BUB3: variants seen among roughly 807,000 people sequenced by gnomAD.
BUB3 encodes mitotic checkpoint protein BUB3.
BUB3 carries 22 observed loss-of-function variants against 39.9 expected under a neutral mutation model. The observed-to-expected ratio is 0.55, with a 90% CI of 0.39 to 0.79. The LOEUF (loss-of-function observed/expected upper bound fraction) is 0.79. Ranked by LOEUF, BUB3 falls within the 30% of genes least tolerant of loss-of-function variation. The pLI, the probability that BUB3 is intolerant of heterozygous loss-of-function variation, is 0.00. For synonymous variants in BUB3, 168 were observed against 155.1 expected, an observed-to-expected ratio of 1.08 and a Z score of -0.62; for missense variants, 303 against 415.4, an observed-to-expected ratio of 0.73 and a Z score of 2.35.
At chr10:123,160,795 G>T (rs998390611) in intron 5 of BUB3, among the ~76,000 whole-genome samples, 1 of 152,052 alleles carries the variant, frequency 6.6e-6, no homozygotes, top group Non-Finnish European at 1.5e-5. Context: ...CAAGTAATCT[G>T]CTCAGGAAGT....
rs528338524 is a variant in BUB3 at position 123,166,833 on chromosome 10, A to G, written c.*2998A>G. ...TTCTGTTGTGTAAAAACTTAAAGGT[A>G]TATTAGCAGGTTAGCCTTTGTTCTG... On this transcript the variant is annotated 3_prime_UTR_variant, in exon 8 of 8. Transcript: ENST00000368865. The G allele has an allele frequency of 8.5e-5, 13 of 152,348 alleles. No individual in the cohort carries two copies. Among genetic ancestry groups the G allele is most frequent in the African/African-American group, 2.9e-4 (12 of 41,578 alleles). 9.4% of individuals were successfully genotyped at this position (152,348 alleles called of 1,614,324 possible).
In BUB3 at chr10:123,165,340, A is replaced by G. The variant is rs930585723; in HGVS notation, c.*1505A>G. 3 of 323,516 alleles carry G rather than the reference A, an allele frequency of 9.3e-6. No homozygotes were observed. The highest frequency in any genetic ancestry group is 2.1e-5 in the African/African-American group (1 of 47,066). The allele number at this position is 323,516 out of a possible 1,614,324, so 20.0% of individuals were successfully genotyped here. ...ACTCTAAACCTGTTATTTCTGTGCT[A>G]ATAAACGAGATGCAGAACCCTTGAA... On this transcript the variant is annotated 3_prime_UTR_variant, in exon 8 of 8. Transcript: ENST00000368865.
At chr10:123,155,611 C>CCCAGAA in intron 2 of BUB3, 47 bp from the exon 3 acceptor site, 1 of 1,533,756 alleles carries the variant, frequency 6.5e-7, no homozygotes, top group South Asian at 1.1e-5. Context: ...AATGTTGAAA[C>CCCAGAA]CCTTTCAAAA....
Position 123,163,241 on chromosome 10 carries a change from A to C in BUB3, c.971+413A>C, listed in dbSNP as rs568598833. 2.1e-3 allele frequency: 376 copies of C among 178,972 alleles called. 1 individual carries two copies. Among genetic ancestry groups the C allele is most frequent in the African/African-American group, 8.4e-3 (354 of 41,930 alleles). 11.1% of individuals were successfully genotyped at this position (178,972 alleles called of 1,614,324 possible). A position where few individuals can be genotyped will look rare whatever the true frequency, so the allele number is the denominator to read the frequency against. On this transcript the variant is annotated intron_variant, in intron 7 of 7. Transcript: ENST00000368865. ...GGTTGTTTCTTTAATATTAACACAA[A>C]GTAAGTGACCTTCAGGTCTTATTGG...
Position 123,164,861 on chromosome 10 carries a change from T to G in BUB3, c.*1026T>G. The G allele has an allele frequency of 7.4e-7, 1 of 1,358,494 alleles. No homozygotes were observed. The highest frequency in any genetic ancestry group is 9.5e-7 in the Non-Finnish European group (1 of 1,056,994). The allele number at this position is 1,358,494 out of a possible 1,614,324, so 84.2% of individuals were successfully genotyped here. On this transcript the variant is annotated 3_prime_UTR_variant, in exon 8 of 8. Transcript: ENST00000368865. ...GTATTTTTGTTGTCAAACTTTAAAATTTATATTAATTTGCAAATGTATGTC... is the reference window on the plus strand; with the variant it reads ...GTATTTTTGTTGTCAAACTTTAAAAGTTATATTAATTTGCAAATGTATGTC...
rs765512833 is a variant in BUB3 at position 123,155,056 on chromosome 10, A to G, written c.139A>G (p.Asn47Asp). 6.2e-7 allele frequency: 1 copy of G among 1,614,126 alleles called. No individual in the cohort carries two copies. ...TSVRLYDVPA[N>D]SMRLKYQHTG... Reference sequence around the variant, plus strand: ...CGTGCGTCTCTACGATGTGCCGGCCAACTCCATGCGGCTCAAGTACCAGCA... The same window carrying G: ...CGTGCGTCTCTACGATGTGCCGGCCGACTCCATGCGGCTCAAGTACCAGCA... Residue 47 changes from asparagine (N) to aspartate (D), a missense_variant, in exon 2 of 8, where the codon AAC becomes GAC. Asn to Asp is a conservative substitution (Grantham distance 23, BLOSUM62 1). Around this residue, in one of 2 missense-constraint regions of BUB3, gnomAD observed 121 missense variants for 122.3 expected, o/e 0.99. Transcript: ENST00000368865.
Position 123,155,661 on chromosome 10 carries a change from C to G in BUB3, c.199C>G (p.Pro67Ala), listed in dbSNP as rs1294472958. 1 of 1,613,752 alleles carries G rather than the reference C, an allele frequency of 6.2e-7. No homozygotes were observed. The highest frequency in any genetic ancestry group is 8.5e-7 in the Non-Finnish European group (1 of 1,179,798). The change falls in exon 3 of 8, where the codon CCA becomes GCA. Residue 67 changes from proline to alanine, a missense_variant. Around this residue, in one of 2 missense-constraint regions of BUB3, gnomAD observed 121 missense variants for 122.3 expected, o/e 0.99. Transcript: ENST00000368865. ...ACGGTTCAAAACTATTTTATAGGAT[C>G]CAACGCATGCCTGGAGTGGAGGACT... ...GAVLDCAFYD[P>A]THAWSGGLDH...
intron 4 of BUB3, 76 bp downstream of exon 4, chr10:123,157,956 G>A (rs573888360): frequency 3.6e-6 from 5 of 1,393,640 alleles, no homozygotes; most frequent in Non-Finnish European, 4.7e-6. Flanking sequence ...TGTTGACTAT[G>A]CTTGTTGAAT....
chr10:123,156,233 C>T (rs1188017890), intron 3 of BUB3, among the ~76,000 whole-genome samples: 1 of 152,200 alleles, frequency 6.6e-6, no homozygotes, highest in Non-Finnish European at 1.5e-5. Flanking sequence ...TGATACATTT[C>T]CTTTCGGTTA....
intron 1 of BUB3, 126 bp from the exon 2 acceptor site, chr10:123,154,792 C>T: frequency 9.5e-7 from 1 of 1,052,396 alleles, no homozygotes; most frequent in African/African-American, 1.6e-5. Context: ...GGCGCAGGCG[C>T]AAGCGCAGAG....
At chr10:123,157,641 T>C in intron 3 of BUB3, 88 bp from the exon 4 acceptor site, 2 of 1,422,924 alleles carry the variant, frequency 1.4e-6, no homozygotes, top group South Asian at 3.0e-5. Flanking sequence ...GTTGAATGAA[T>C]GTTTCTTTTA....
Position 123,168,318 on chromosome 10 carries a change from T to A in BUB3, c.*4483T>A, listed in dbSNP as rs1471348904. 6.6e-6 allele frequency: 1 copy of A among 152,212 alleles called. No homozygotes were observed. The highest frequency in any genetic ancestry group is 1.5e-5 in the Non-Finnish European group (1 of 68,026). 9.4% of individuals were successfully genotyped at this position (152,212 alleles called of 1,614,324 possible). ...AAAAGTTTTTGTTAGCTACATCATG[T>A]GAAATGCCTGGGTAGACAAATTTAA... is the stretch of plus-strand genomic sequence containing the variant. On this transcript the variant is annotated 3_prime_UTR_variant, in exon 8 of 8. Coordinates refer to ENST00000368865, the MANE Select transcript of BUB3 (RefSeq NM_004725.4).
chr10:123,154,856 G>A (rs1564781030), intron 1 of BUB3, 62 bp from the exon 2 acceptor site: 26 of 1,540,824 alleles, frequency 1.7e-5, no homozygotes, highest in Non-Finnish European at 2.3e-5. Flanking sequence ...CCCAGTGCCA[G>A]GCTGTCAGTG....
chr10:123,154,959 G>A lies in BUB3; in HGVS notation c.42G>A (p.Glu14=). The part of the protein sequence containing the change: ...SNEFKLNQPP[E]DGISSVKFSP... ...AGTTCAAGCTGAACCAGCCACCCGA[G>A]GATGGCATCTCCTCCGTGAAGTTCA... The change falls in exon 2 of 8, where the codon GAG becomes GAA. Residue 14 remains glutamate, a synonymous_variant. Transcript: ENST00000368865. 6 of 1,614,138 alleles carry A rather than the reference G, an allele frequency of 3.7e-6. No individual in the cohort carries two copies. The highest frequency in any genetic ancestry group is 1.1e-5 in the South Asian group (1 of 91,086).
In BUB3 at chr10:123,169,939, C is replaced by T. The variant is rs953696836; in HGVS notation, c.*6104C>T. 8.5e-5 allele frequency: 13 copies of T among 152,312 alleles called. No homozygotes were observed. The South Asian group carries it at 1.5e-3, about 17-fold the overall frequency. The allele number at this position is 152,312 out of a possible 1,614,324, so 9.4% of individuals were successfully genotyped here. On this transcript the variant is annotated 3_prime_UTR_variant, in exon 8 of 8. Transcript: ENST00000368865. The stretch of plus-strand genomic sequence containing the variant: ...GATGTGGTGGTGCATGCCTGTAGTT[C>T]ATAGCTACTCTGGAGGCTGAGGCGG...
chr10:123,157,691 A>G (rs1162677054), intron 3 of BUB3, 38 bp from the exon 4 acceptor site: 5 of 1,532,804 alleles, frequency 3.3e-6, no homozygotes, highest in South Asian at 1.3e-5. Flanking sequence ...GTAGTAAGCT[A>G]GATGTTGGGG....
In BUB3 at chr10:123,155,106, C is replaced by T. The variant is rs1263939322; in HGVS notation, c.189C>T (p.Ala63=). ...YQHTGAVLDC[A]FYDPTHAWSG... ...ACACCGGCGCCGTCCTGGACTGCGCCTTCTACGTAGGTGCCCTCCCGCCCT... is the reference window on the plus strand; with the variant it reads ...ACACCGGCGCCGTCCTGGACTGCGCTTTCTACGTAGGTGCCCTCCCGCCCT... Residue 63 remains alanine (A), a synonymous_variant, in exon 2 of 8, where the codon GCC becomes GCT. Transcript: ENST00000368865. 1 of 1,613,722 alleles carries T rather than the reference C, an allele frequency of 6.2e-7. No homozygotes were observed.
rs146673157 is a variant in BUB3 at position 123,162,873 on chromosome 10, C to T, written c.971+45C>T. ...ATTTGAGCCTTTTCTTGCATTCAAC[C>T]CAGGATTTATTAATTTTTCTAAATT... On this transcript the variant is annotated intron_variant, in intron 7 of 7. Transcript: ENST00000368865. 1,519 of 1,547,190 alleles carry T rather than the reference C, an allele frequency of 9.8e-4. 1 individual carries two copies. Among genetic ancestry groups the T allele is most frequent in the Non-Finnish European group, 1.1e-3 (1,206 of 1,124,388 alleles).
chr10:123,158,446 C>T (rs1179059200), intron 4 of BUB3, among the ~76,000 whole-genome samples: 1 of 152,166 alleles, frequency 6.6e-6, no homozygotes, highest in Non-Finnish European at 1.5e-5. Flanking sequence ...GTGTATTATT[C>T]TAACCTTTTG....
Sources: gnomAD v4.1 joint callset for allele counts (sites outside exome capture counted in the v4.1 genomes callset) on GRCh38, gnomAD v4.1.1 for gene constraint, gnomAD v4.1.1 regional missense constraint, MANE v1.5 for transcripts, NCBI Gene and HGNC (gene_info 2026-07-23, HGNC 2026-07-21) for gene names.